BRINP1: variants seen among roughly 807,000 people sequenced by gnomAD.
BRINP1 encodes BMP/retinoic acid inducible neural specific 1.
In BRINP1, 17 loss-of-function variants were observed where a neutral mutation model predicts 72.9. The ratio of observed to expected loss-of-function variants is 0.23; its 90% CI spans 0.16 to 0.35. BRINP1 has a LOEUF of 0.35. Ranked by LOEUF, BRINP1 falls within the 10% of genes least tolerant of loss-of-function variation. The probability of loss-of-function intolerance (pLI) is 1.00; values close to 1 mark genes in which losing one functional copy is unlikely to be tolerated. For missense variants in BRINP1, 850 were observed against 1,001.6 expected (o/e 0.85, Z 2.04); for synonymous variants, 418 against 378.5 (o/e 1.10, Z -1.21).
At chr9:119,197,039 G>A (rs1436185969) in intron 7 of BRINP1, among the ~76,000 whole-genome samples, 1 of 152,200 alleles carries the variant, frequency 6.6e-6, no homozygotes, top group Non-Finnish European at 1.5e-5. Flanking sequence ...ACATTGGTTA[G>A]CAAGGAAAAC....
At chr9:119,228,441 A>G (rs940327074) in intron 5 of BRINP1, among the ~76,000 whole-genome samples, 1 of 152,034 alleles carries the variant, frequency 6.6e-6, no homozygotes, top group Non-Finnish European at 1.5e-5. Flanking sequence ...TAGAAAAGAT[A>G]GAAAACTAAA....
chr9:119,213,222 G>A (rs1829947420), intron 6 of BRINP1, among the ~76,000 whole-genome samples: 1 of 152,226 alleles, frequency 6.6e-6, no homozygotes, highest in Non-Finnish European at 1.5e-5. Context: ...CCTTTTTACA[G>A]ACGTATCCTT....
chr9:119,349,553 G>A (rs148565465), intron 1 of BRINP1, among the ~76,000 whole-genome samples: 62 of 152,256 alleles, frequency 4.1e-4, no homozygotes, highest in African/African-American at 7.9e-4. Context: ...ATACAGCAAC[G>A]GTTAAAAGCC....
At chr9:119,209,060 C>CTT in intron 6 of BRINP1, 119 bp from the exon 7 acceptor site, 1 of 759,648 alleles carries the variant, frequency 1.3e-6, no homozygotes. Flanking sequence ...ATTTTTTTTT[C>CTT]TTAAGGGCCA....
chr9:119,282,278 G>A (rs1248989744), intron 2 of BRINP1, among the ~76,000 whole-genome samples: 1 of 152,174 alleles, frequency 6.6e-6, no homozygotes, highest in Non-Finnish European at 1.5e-5. Context: ...TGCTTAAACA[G>A]AAAGTAGATG....
chr9:119,272,740 A>G (rs1437652253), intron 2 of BRINP1, among the ~76,000 whole-genome samples: 4 of 152,204 alleles, frequency 2.6e-5, no homozygotes, highest in Non-Finnish European at 1.5e-5. Flanking sequence ...TGCTGGTCAA[A>G]CTGGCCCCAG....
At chr9:119,261,666 G>C (rs1830496273) in intron 2 of BRINP1, among the ~76,000 whole-genome samples, 1 of 152,114 alleles carries the variant, frequency 6.6e-6, no homozygotes, top group African/African-American at 2.4e-5. Flanking sequence ...GCCTACAAAA[G>C]GCCACTGCCA....
At chr9:119,239,695 A>G (rs1375301505) in intron 4 of BRINP1, among the ~76,000 whole-genome samples, 1 of 152,108 alleles carries the variant, frequency 6.6e-6, no homozygotes, top group African/African-American at 2.4e-5. Context: ...CAACTTCCCC[A>G]TCTATAAAAT....
intron 1 of BRINP1, among the ~76,000 whole-genome samples, chr9:119,326,093 C>T (rs542560701): frequency 6.6e-6 from 1 of 152,310 alleles, no homozygotes; most frequent in East Asian, 1.9e-4. Flanking sequence ...ATTAAATCCA[C>T]AGAACAATCC....
chr9:119,274,285 G>A (rs866238032), intron 2 of BRINP1, among the ~76,000 whole-genome samples: 48 of 152,294 alleles, frequency 3.2e-4, no homozygotes, highest in African/African-American at 9.1e-4. Flanking sequence ...AGAACCCAGC[G>A]TCCCTTTGCT....
chr9:119,343,680 T>G (rs76004782), intron 1 of BRINP1, among the ~76,000 whole-genome samples: 4,005 of 152,148 alleles, frequency 0.026, 223 homozygotes, highest in African/African-American at 0.093. Context: ...CAGTCCCCAA[T>G]AAGTAAGTGA....
At chr9:119,217,780 T>C (rs956858515) in intron 5 of BRINP1, among the ~76,000 whole-genome samples, 5 of 152,190 alleles carry the variant, frequency 3.3e-5, no homozygotes, top group African/African-American at 1.2e-4. Context: ...CTCTATTTCC[T>C]TGCCTCCCTC....
At chr9:119,220,647 G>C (rs1830031124) in intron 5 of BRINP1, among the ~76,000 whole-genome samples, 1 of 152,186 alleles carries the variant, frequency 6.6e-6, no homozygotes. Context: ...GGGAAAGAAA[G>C]TCCTTGATTG....
chr9:119,213,758 T>C (rs567024478), intron 6 of BRINP1, 161 bp downstream of exon 6: 28 of 677,814 alleles, frequency 4.1e-5, no homozygotes, highest in Non-Finnish European at 6.9e-5. Flanking sequence ...ATTGAGTGCC[T>C]GCTCTGTGAC....
intron 1 of BRINP1, among the ~76,000 whole-genome samples, chr9:119,338,346 C>A (rs1219090091): frequency 6.6e-6 from 1 of 150,690 alleles, no homozygotes; most frequent in Non-Finnish European, 1.5e-5. Flanking sequence ...GTCCCAGGCA[C>A]TGTACTAGAT....
intron 2 of BRINP1, among the ~76,000 whole-genome samples, chr9:119,283,492 G>A (rs1830732478): frequency 6.6e-6 from 1 of 152,174 alleles, no homozygotes; most frequent in South Asian, 2.1e-4. Flanking sequence ...TTAAAGTGGT[G>A]GGAGGGGGAG....
At chr9:119,318,842 G>GGGGGGTGTGT (rs1554754943) in intron 1 of BRINP1, among the ~76,000 whole-genome samples, 5 of 53,770 alleles carry the variant, frequency 9.3e-5, no homozygotes, top group Non-Finnish European at 2.4e-4. Context: ...AGAAATGTGT[G>GGGGGGTGTGT]GGGTGTGTGT....
intron 2 of BRINP1, among the ~76,000 whole-genome samples, chr9:119,307,435 A>G (rs967240126): frequency 2.0e-5 from 3 of 152,182 alleles, no homozygotes; most frequent in Non-Finnish European, 2.9e-5. Flanking sequence ...TTGTATATCT[A>G]TACCACAGGG....
At chr9:119,299,221 C>A (rs1016991248) in intron 2 of BRINP1, among the ~76,000 whole-genome samples, 1 of 152,134 alleles carries the variant, frequency 6.6e-6, no homozygotes. Context: ...CTTTGACAAA[C>A]ATCTTTCCAA....
Sources: allele counts gnomAD v4.1 joint callset (sites outside exome capture counted in the v4.1 genomes callset), GRCh38; gene constraint gnomAD v4.1.1; transcripts MANE v1.5; gene names NCBI Gene and HGNC (gene_info 2026-07-23, HGNC 2026-07-21).